VDAC1: variants seen among roughly 807,000 people sequenced by gnomAD.
VDAC1 encodes the protein non-selective voltage-gated ion channel VDAC1.
A neutral mutation model predicts 34.7 loss-of-function variants in VDAC1; 10 were observed. The ratio of observed to expected loss-of-function variants is 0.29; its 90% CI spans 0.18 to 0.49. The LOEUF is 0.49. VDAC1 is among the 20% of genes least tolerant of loss of function. VDAC1 has a pLI of 0.99. For synonymous variants in VDAC1, 130 were observed against 136.0 expected (o/e 0.96, Z 0.30); for missense variants, 230 against 347.9 (o/e 0.66, Z 2.69).
the VDAC1 span, among the ~76,000 whole-genome samples, chr5:134,026,421 A>G: frequency 6.8e-6 from 1 of 146,894 alleles, no homozygotes; most frequent in Non-Finnish European, 1.5e-5. Context: ...AGGCTGAGGC[A>G]GGAGAATGGC....
At chr5:134,099,941 T>A in the VDAC1 span, among the ~76,000 whole-genome samples, 3 of 152,058 alleles carry the variant, frequency 2.0e-5, no homozygotes, top group Middle Eastern at 3.4e-3. Context: ...TGAGACAGAG[T>A]GGGAAGGGGT....
At chr5:134,009,247 CTTTTTTTTTT>C (rs869155174), upstream of VDAC1, among the ~76,000 whole-genome samples, 1 of 87,070 alleles carries the variant, frequency 1.1e-5, no homozygotes, top group Admixed American at 1.1e-4. Context: ...TTTATCAATT[CTTTTTTTTTT>C]TTTTTTTTTT....
the VDAC1 span, among the ~76,000 whole-genome samples, chr5:134,075,415 TCA>T: frequency 6.6e-6 from 1 of 152,220 alleles, no homozygotes; most frequent in African/African-American, 2.4e-5. Context: ...AGCACACTAC[TCA>T]CACTACTATT....
chr5:134,080,931 C>T, the VDAC1 span, among the ~76,000 whole-genome samples: 1 of 151,992 alleles, frequency 6.6e-6, no homozygotes, highest in South Asian at 2.1e-4. Context: ...GGCTAGAGGG[C>T]AATGGCGCAA....
intron 1 of VDAC1, among the ~76,000 whole-genome samples, chr5:133,996,545 C>T (rs1753318212): frequency 6.6e-6 from 1 of 151,950 alleles, no homozygotes; most frequent in Non-Finnish European, 1.5e-5. Context: ...CTGCTGTGCT[C>T]ACCGTGCCCC....
the VDAC1 span, among the ~76,000 whole-genome samples, chr5:134,038,748 T>C: frequency 6.6e-6 from 1 of 152,280 alleles, no homozygotes; most frequent in African/African-American, 2.4e-5. Context: ...AAAGTAGTTC[T>C]GCTTTGCAGC....
chr5:134,039,460 C>T, the VDAC1 span, among the ~76,000 whole-genome samples: 1 of 152,158 alleles, frequency 6.6e-6, no homozygotes, highest in Middle Eastern at 3.2e-3. Context: ...TTCTGAGTAG[C>T]TGGGACTACA....
chr5:134,063,149 A>G, the VDAC1 span, among the ~76,000 whole-genome samples: 1 of 152,304 alleles, frequency 6.6e-6, no homozygotes, highest in Admixed American at 6.5e-5. Flanking sequence ...TTTCCCCTCA[A>G]GTTAATATAT....
At chr5:133,991,313 T>C (rs1753095019) in intron 3 of VDAC1, among the ~76,000 whole-genome samples, 159 bp from the exon 4 acceptor site, 1 of 152,206 alleles carries the variant, frequency 6.6e-6, no homozygotes, top group Non-Finnish European at 1.5e-5. Context: ...AAAGTACAGA[T>C]GGGAGTAAAG....
At chr5:133,999,221 G>A (rs961944352) in intron 1 of VDAC1, among the ~76,000 whole-genome samples, 26 of 152,172 alleles carry the variant, frequency 1.7e-4, no homozygotes, top group African/African-American at 5.3e-4. Context: ...CCCCTAGAGA[G>A]CCAACAACTA....
chr5:134,059,839 T>A, the VDAC1 span, among the ~76,000 whole-genome samples: 1 of 146,270 alleles, frequency 6.8e-6, no homozygotes, highest in Non-Finnish European at 1.6e-5. Context: ...TTCTTTGTTA[T>A]ACATGTTTGA....
At chr5:134,029,050 G>A in the VDAC1 span, among the ~76,000 whole-genome samples, 2 of 152,120 alleles carry the variant, frequency 1.3e-5, no homozygotes, top group Admixed American at 1.3e-4. Context: ...CAATCGTTCT[G>A]GTTTGTCTAG....
the VDAC1 span, among the ~76,000 whole-genome samples, chr5:134,059,232 C>G: frequency 1.3e-5 from 2 of 152,262 alleles, no homozygotes; most frequent in African/African-American, 4.8e-5. Context: ...CTTACAGCTT[C>G]CCTCCCCACC....
intron 1 of VDAC1, among the ~76,000 whole-genome samples, chr5:134,002,281 C>T (rs976530586): frequency 6.6e-6 from 1 of 152,200 alleles, no homozygotes. Context: ...CCCCCACTTT[C>T]TGAGCTACGA....
Position 133,986,214 on chromosome 5 carries a change from T to C in VDAC1, c.323+4641A>G, listed in dbSNP as rs529648052. Among the ~76,000 whole-genome samples the C allele has an allele frequency of 3.9e-5, 6 of 152,332 alleles. No homozygotes were observed. In the South Asian group the frequency reaches 8.3e-4, roughly 21 times the overall value. ...TACTCAGCGTGGGTGCTGGTCCTTATTGAGGTCTGTGGCCTCATCCAGATG... is the reference window on the plus strand; with the variant it reads ...TACTCAGCGTGGGTGCTGGTCCTTACTGAGGTCTGTGGCCTCATCCAGATG... On this transcript the variant is annotated intron_variant, in intron 5 of 8. Transcript: ENST00000265333.
the VDAC1 span, among the ~76,000 whole-genome samples, chr5:134,083,889 G>A: frequency 1.3e-5 from 2 of 152,184 alleles, no homozygotes; most frequent in African/African-American, 4.8e-5. Flanking sequence ...TTGTGACCAG[G>A]ATAAATAAGT....
the VDAC1 span, among the ~76,000 whole-genome samples, chr5:134,015,980 G>A: frequency 6.6e-6 from 1 of 152,088 alleles, no homozygotes; most frequent in African/African-American, 2.4e-5. Flanking sequence ...GTAGAGATGG[G>A]GGTTTGCCAT....
the VDAC1 span, among the ~76,000 whole-genome samples, chr5:134,061,886 A>G: frequency 1.4e-3 from 207 of 151,848 alleles, 2 homozygotes; most frequent in African/African-American, 4.7e-3. Flanking sequence ...CATCAAGGAT[A>G]TTGTTTGCTG....
chr5:134,027,097 G>A, the VDAC1 span, among the ~76,000 whole-genome samples: 3 of 152,186 alleles, frequency 2.0e-5, no homozygotes, highest in Non-Finnish European at 4.4e-5. Flanking sequence ...GTGATGCTAA[G>A]CATCTTACAC....
Sources: gnomAD v4.1 joint callset for allele counts (sites outside exome capture counted in the v4.1 genomes callset) on GRCh38, gnomAD v4.1.1 for gene constraint, MANE v1.5 for transcripts, NCBI Gene and HGNC (gene_info 2026-07-23, HGNC 2026-07-21) for gene names.